Variants in CFAP299 observed in about 807,000 individuals in gnomAD.
CFAP299 encodes cilia- and flagella-associated protein 299.
CFAP299 carries 21 observed loss-of-function variants against 27.0 expected under a neutral mutation model. The ratio of observed to expected loss-of-function variants is 0.78; its 90% confidence interval spans 0.55 to 1.12. The LOEUF is 1.12. CFAP299 is among the 50% of genes most tolerant of loss of function. The pLI is 0.00. For missense variants in CFAP299, 310 were observed against 276.6 expected (o/e 1.12, Z -0.86); for synonymous variants, 104 against 98.1 (o/e 1.06, Z -0.36).
chr4:80,867,742 C>T (rs1173896191), intron 3 of CFAP299, among the ~76,000 whole-genome samples: 2 of 152,288 alleles, frequency 1.3e-5, no homozygotes, highest in Non-Finnish European at 2.9e-5. Context: ...CCCTAAAAAG[C>T]TCATTGTAAT....
chr4:80,346,517 T>G (rs1722735428), intron 1 of CFAP299, among the ~76,000 whole-genome samples: 1 of 152,214 alleles, frequency 6.6e-6, no homozygotes, highest in South Asian at 2.1e-4. Flanking sequence ...CCCAGCACCA[T>G]TTATTAAATA....
rs190504695 is a variant in CFAP299 at position 80,650,139 on chromosome 4, T to A, written c.333+66956T>A. On this transcript the variant is annotated intron_variant, in intron 3 of 5. Transcript: ENST00000358105. ...ATATGTAGAATTATCTAAAATATGT[T>A]AGGAAAGTTAATATTTGTAAGAATT... is the stretch of plus-strand genomic sequence containing the variant. Among the ~76,000 whole-genome samples, 1,382 of 152,162 alleles carry A rather than the reference T, an allele frequency of 9.1e-3. 16 individuals carry two copies. Among genetic ancestry groups the A allele is most frequent in the South Asian group, 0.053 (256 of 4,826 alleles).
At position 80,688,355 on chromosome 4, in the gene CFAP299, A is replaced by AC. The variant is rs555076103; in HGVS notation, c.333+105172_333+105173insC. 2.6e-4 allele frequency among the ~76,000 whole-genome samples: 40 copies of AC among 152,224 alleles called. No individual in the cohort carries two copies. In the East Asian group the frequency reaches 3.5e-3, roughly 13 times the overall value. The stretch of plus-strand genomic sequence containing the variant: ...CAGCTGGAGATCTGAGAACGGGCAG[A>AC]ATGCCTCCTCAAGTGGGTCCCTGAC... On this transcript the variant is annotated intron_variant, in intron 3 of 5. Coordinates refer to ENST00000358105, the MANE Select transcript of CFAP299 (RefSeq NM_152770.3).
chr4:80,894,643 A>T (rs1734520354), intron 4 of CFAP299, among the ~76,000 whole-genome samples: 4 of 151,966 alleles, frequency 2.6e-5, no homozygotes, highest in African/African-American at 7.2e-5. Flanking sequence ...TCCTTAAAAA[A>T]TTTAAAAAAT....
intron 3 of CFAP299, among the ~76,000 whole-genome samples, chr4:80,610,627 G>A (rs973727964): frequency 6.6e-6 from 1 of 151,822 alleles, no homozygotes; most frequent in Non-Finnish European, 1.5e-5. Flanking sequence ...GCCATTTAAA[G>A]AACTTTTTAA....
At chr4:80,741,841 G>A (rs544472620) in intron 3 of CFAP299, among the ~76,000 whole-genome samples, 64 of 152,260 alleles carry the variant, frequency 4.2e-4, no homozygotes, top group African/African-American at 1.5e-3. Context: ...GTGGCGGTGA[G>A]GCTTGCTGGA....
rs564409653 is a variant in CFAP299, at chr4:80,434,303, C to T, written c.242+71419C>T. On this transcript the variant is annotated intron_variant, in intron 2 of 5. Transcript: ENST00000358105. ...TGTCTGATATCCATTCTTCCCTTCT[C>T]CCTTAATGAAAGGACTCTTGTTTTG... is the stretch of plus-strand genomic sequence containing the variant. Among the ~76,000 whole-genome samples, 5 of 152,244 alleles carry T rather than the reference C, an allele frequency of 3.3e-5. 1 individual carries two copies. In the South Asian group the frequency reaches 1.0e-3, roughly 32 times the overall value.
intron 2 of CFAP299, among the ~76,000 whole-genome samples, chr4:80,512,964 T>A (rs1012265186): frequency 1.3e-5 from 2 of 152,170 alleles, no homozygotes; most frequent in Admixed American, 6.6e-5. Context: ...AAGCATAGAA[T>A]AAAATGCAGA....
At chr4:80,746,163 C>T (rs1724576916) in intron 3 of CFAP299, among the ~76,000 whole-genome samples, 2 of 152,068 alleles carry the variant, frequency 1.3e-5, no homozygotes, top group Admixed American at 1.3e-4. Flanking sequence ...AATTTTTGGA[C>T]ATGGGCAAAT....
chr4:80,636,580 G>T (rs2109953888), intron 3 of CFAP299, among the ~76,000 whole-genome samples: 3 of 152,272 alleles, frequency 2.0e-5, no homozygotes, highest in Middle Eastern at 6.8e-3. Context: ...GATACGTTAA[G>T]ACATGCCTAA....
At chr4:80,522,350 A>G (rs991715963) in intron 2 of CFAP299, among the ~76,000 whole-genome samples, 1 of 151,802 alleles carries the variant, frequency 6.6e-6, no homozygotes, top group Non-Finnish European at 1.5e-5. Context: ...AAACCAGGTT[A>G]TTTGTTTTTA....
chr4:80,692,031 A>G (rs1432615005), intron 3 of CFAP299, among the ~76,000 whole-genome samples: 2 of 152,190 alleles, frequency 1.3e-5, no homozygotes, highest in African/African-American at 4.8e-5. Context: ...ACCACTGCTC[A>G]AGGAAATAAA....
intron 3 of CFAP299, among the ~76,000 whole-genome samples, chr4:80,658,538 T>C (rs1021535631): frequency 3.9e-5 from 6 of 152,188 alleles, no homozygotes; most frequent in African/African-American, 1.4e-4. Context: ...TTACATTTAT[T>C]GATTTGTGTA....
chr4:80,494,334 A>C (rs572619603), intron 2 of CFAP299, among the ~76,000 whole-genome samples: 1 of 152,240 alleles, frequency 6.6e-6, no homozygotes, highest in Non-Finnish European at 1.5e-5. Context: ...TCACTGTCAA[A>C]GTATGTTAAC....
intron 2 of CFAP299, among the ~76,000 whole-genome samples, chr4:80,472,308 T>C (rs1023951182): frequency 1.6e-4 from 24 of 152,176 alleles, no homozygotes; most frequent in African/African-American, 5.5e-4. Flanking sequence ...AGGTTTCAGG[T>C]ACATATATTA....
intron 2 of CFAP299, among the ~76,000 whole-genome samples, chr4:80,562,768 A>T (rs1735103754): frequency 6.6e-6 from 1 of 151,480 alleles, no homozygotes; most frequent in Non-Finnish European, 1.5e-5. Context: ...TGGATTAAAA[A>T]ATCCAGACCC....
intron 3 of CFAP299, among the ~76,000 whole-genome samples, chr4:80,799,600 A>AT (rs1171622708): frequency 9.4e-5 from 5 of 53,412 alleles, no homozygotes; most frequent in Non-Finnish European, 1.2e-4. Flanking sequence ...TATAAAATAT[A>AT]TATTTTATAT....
chr4:80,747,251 T>G (rs1195977926), intron 3 of CFAP299, among the ~76,000 whole-genome samples: 1 of 152,098 alleles, frequency 6.6e-6, no homozygotes, highest in Non-Finnish European at 1.5e-5. Context: ...TGAAGTATTA[T>G]GTACTGTATA....
chr4:80,745,969 T>C (rs1012876187), intron 3 of CFAP299, among the ~76,000 whole-genome samples: 2 of 152,110 alleles, frequency 1.3e-5, no homozygotes, highest in African/African-American at 4.8e-5. Flanking sequence ...AGAAATTCAA[T>C]TTCTAATTCA....
Sources: gnomAD v4.1 joint callset for allele counts (sites outside exome capture counted in the v4.1 genomes callset) on GRCh38, gnomAD v4.1.1 for gene constraint, MANE v1.5 for transcripts, NCBI Gene and HGNC (gene_info 2026-07-23, HGNC 2026-07-21) for gene names.